Variants in ZNF254 observed in about 807,000 individuals in gnomAD.
ZNF254 encodes CTD-2017D11.1.
Under a neutral mutation model 12.4 loss-of-function variants are expected in ZNF254, and 10 were observed. The ratio of observed to expected loss-of-function variants is 0.80; its 90% CI spans 0.50 to 1.36. The LOEUF is 1.36. Among genes scored for constraint, ZNF254 ranks in the 40% most tolerant of loss-of-function variants. The probability of loss-of-function intolerance (pLI) is 0.00; values close to 1 mark genes in which losing one functional copy is unlikely to be tolerated. For missense variants in ZNF254, 996 were observed against 763.9 expected (o/e 1.30, Z -3.58); for synonymous variants, 305 against 253.4 (o/e 1.20, Z -1.93).
At chr19:24,059,989 G>A (rs572534803) in intron 2 of ZNF254, among the ~76,000 whole-genome samples, 54 of 152,186 alleles carry the variant, frequency 3.5e-4, no homozygotes, top group Non-Finnish European at 6.5e-4. Flanking sequence ...TCTTCCCACA[G>A]AGAAGATTGT....
intron 2 of ZNF254, among the ~76,000 whole-genome samples, chr19:24,071,623 G>A (rs1332309320): frequency 1.3e-5 from 2 of 152,176 alleles, no homozygotes; most frequent in East Asian, 3.9e-4. Flanking sequence ...TTTTCAGGAA[G>A]TATTGTGCCA....
Position 24,113,307 on chromosome 19 carries a change from G to A in ZNF254, c.253+6664G>A, listed in dbSNP as rs532259767. On this transcript the variant is annotated intron_variant, in intron 3 of 3. Coordinates refer to ENST00000357002, the MANE Select transcript of ZNF254 (RefSeq NM_203282.4). ...ATAAAATACTGGCAAACTGAATCCA[G>A]CAGCACATCAAAAAGCTTATCCACC... Among the ~76,000 whole-genome samples, 4 of 152,242 alleles carry A rather than the reference G, an allele frequency of 2.6e-5. No homozygotes were observed. In the South Asian group the frequency reaches 8.3e-4, roughly 32 times the overall value.
In ZNF254 at chr19:24,110,768, A is replaced by C. The variant is rs959139473; in HGVS notation, c.253+4125A>C. Among the ~76,000 whole-genome samples the C allele has an allele frequency of 1.9e-4, 29 of 152,264 alleles. No individual in the cohort carries two copies. The Middle Eastern group carries it at 0.01, about 54-fold the overall frequency. On this transcript the variant is annotated intron_variant, in intron 3 of 3. Coordinates refer to ENST00000357002, the MANE Select transcript of ZNF254 (RefSeq NM_203282.4). ...TGTAATTACTTTAAATATTTATATA[A>C]GTAAAATCATAACATCCATCATTTC...
At chr19:24,095,057 A>G (rs990738477) in intron 1 of ZNF254, among the ~76,000 whole-genome samples, 1 of 152,216 alleles carries the variant, frequency 6.6e-6, no homozygotes, top group African/African-American at 2.4e-5. Flanking sequence ...ATTTTAAAGT[A>G]TGTACCTTCA....
At chr19:24,125,060 C>A (rs545595971) in intron 3 of ZNF254, among the ~76,000 whole-genome samples, 24 of 152,262 alleles carry the variant, frequency 1.6e-4, no homozygotes, top group African/African-American at 5.8e-4. Flanking sequence ...GCCTGGATTA[C>A]AGGTGTGAGC....
At chr19:24,067,269 G>C (rs1395911887) in intron 2 of ZNF254, among the ~76,000 whole-genome samples, 1 of 151,840 alleles carries the variant, frequency 6.6e-6, no homozygotes, top group Non-Finnish European at 1.5e-5. Context: ...TTGGGCCTGG[G>C]TCATGCTAAT....
intron 3 of ZNF254, among the ~76,000 whole-genome samples, chr19:24,111,641 C>T (rs1473058116): frequency 6.6e-6 from 1 of 152,228 alleles, no homozygotes; most frequent in Admixed American, 6.5e-5. Flanking sequence ...TAATGATCGC[C>T]ATTCTAACTG....
intron 1 of ZNF254, among the ~76,000 whole-genome samples, chr19:24,040,771 A>G (rs1245924656): frequency 6.6e-6 from 1 of 152,250 alleles, no homozygotes; most frequent in East Asian, 1.9e-4. Context: ...ACATTACTAC[A>G]TTCTCCAGCC....
chr19:24,122,889 TCTA>T (rs1974582433), intron 3 of ZNF254, among the ~76,000 whole-genome samples: 3 of 152,234 alleles, frequency 2.0e-5, no homozygotes, highest in South Asian at 4.1e-4. Flanking sequence ...ATTTTATTAG[TCTA>T]CTTTTTCACC....
chr19:24,049,208 ATATATATTTTT>A (rs1189361777), intron 2 of ZNF254, among the ~76,000 whole-genome samples: 145 of 47,550 alleles, frequency 3.0e-3, no homozygotes, highest in South Asian at 0.018. Context: ...ATATATATAT[ATATATATTTTT>A]TTTTTTTTTT....
intron 2 of ZNF254, among the ~76,000 whole-genome samples, chr19:24,077,372 T>G (rs191145050): frequency 2.6e-5 from 4 of 152,292 alleles, no homozygotes; most frequent in African/African-American, 9.6e-5. Context: ...GAATAAACTT[T>G]CCAAATTTAT....
intron 2 of ZNF254, among the ~76,000 whole-genome samples, chr19:24,061,323 T>TGTG (rs1459886899): frequency 6.6e-6 from 1 of 152,012 alleles, no homozygotes; most frequent in Non-Finnish European, 1.5e-5. Context: ...GTGACTCTTC[T>TGTG]GTCTAACAAC....
chr19:24,088,335 CTT>C (rs1972156552), intron 1 of ZNF254, among the ~76,000 whole-genome samples: 1 of 152,084 alleles, frequency 6.6e-6, no homozygotes, highest in Non-Finnish European at 1.5e-5. Context: ...AAAAAATGCT[CTT>C]GAGTTTAGAT....
intron 2 of ZNF254, among the ~76,000 whole-genome samples, chr19:24,059,910 CAGG>C (rs1393239868): frequency 6.6e-6 from 1 of 151,892 alleles, no homozygotes. Context: ...GCCCTGCCCA[CAGG>C]AGGCTTTGTG....
chr19:24,083,997 T>C (rs925356148), upstream of ZNF254, among the ~76,000 whole-genome samples: 5 of 151,778 alleles, frequency 3.3e-5, no homozygotes, highest in Admixed American at 2.0e-4. Context: ...ATCTACATGG[T>C]GAAAAATAAG....
chr19:24,052,624 G>A lies in ZNF254; in HGVS notation c.-94+6345G>A, dbSNP rs75552068. ...CCTAGCATCCAGGTGATGTGACTCT[G>A]CTGACTATATTCTGCTTTCAAGAGG... is the stretch of plus-strand genomic sequence containing the variant. On this transcript the variant is annotated intron_variant, in intron 2 of 4. Transcript: ENST00000613065. Among the ~76,000 whole-genome samples, 13 of 152,278 alleles carry A rather than the reference G, an allele frequency of 8.5e-5. No individual in the cohort carries two copies. The East Asian group carries it at 2.5e-3, about 29-fold the overall frequency.
chr19:24,037,979 T>C (rs941306475), intron 1 of ZNF254, among the ~76,000 whole-genome samples: 21 of 152,166 alleles, frequency 1.4e-4, no homozygotes, highest in African/African-American at 5.1e-4. Context: ...ACTCCTGACC[T>C]CAGGTAATGC....
chr19:24,044,923 G>T (rs948152809), intron 1 of ZNF254, among the ~76,000 whole-genome samples: 3 of 152,200 alleles, frequency 2.0e-5, no homozygotes, highest in African/African-American at 7.2e-5. Context: ...TATGTATAGA[G>T]ATTTGATGTT....
intron 2 of ZNF254, among the ~76,000 whole-genome samples, chr19:24,050,225 T>G (rs1185707824): frequency 1.3e-5 from 2 of 152,152 alleles, no homozygotes; most frequent in East Asian, 3.9e-4. Context: ...AGTGGCGTGA[T>G]CTCTGCTCAC....
Sources: gnomAD v4.1 joint callset for allele counts (sites outside exome capture counted in the v4.1 genomes callset) on GRCh38, gnomAD v4.1.1 for gene constraint, MANE v1.5 for transcripts, NCBI Gene and HGNC (gene_info 2026-07-23, HGNC 2026-07-21) for gene names.